Variants in CACNB2 observed in about 807,000 individuals in gnomAD.
The protein encoded by CACNB2 is calcium voltage-gated channel auxiliary subunit beta 2.
A neutral mutation model predicts 73.3 loss-of-function variants in CACNB2; 42 were observed. The observed-to-expected ratio is 0.57, with a 90% confidence interval of 0.45 to 0.74. The LOEUF (loss-of-function observed/expected upper bound fraction) is 0.74. Ranked by LOEUF, CACNB2 falls within the 30% of genes least tolerant of loss-of-function variation. CACNB2 has a pLI of 0.00. For missense variants in CACNB2, 940 were observed against 853.0 expected, an observed-to-expected ratio of 1.10 and a Z score of -1.27; for synonymous variants, 348 against 310.3, an observed-to-expected ratio of 1.12 and a Z score of -1.28.
At chr10:18,318,723 T>C (rs1481956440) in intron 2 of CACNB2, among the ~76,000 whole-genome samples, 1 of 151,978 alleles carries the variant, frequency 6.6e-6, no homozygotes, top group African/African-American at 2.4e-5. Context: ...AGGTCTAATA[T>C]CCAGAATCTA....
chr10:18,486,811 C>T (rs2132894551), intron 3 of CACNB2, among the ~76,000 whole-genome samples: 1 of 152,226 alleles, frequency 6.6e-6, no homozygotes, highest in East Asian at 1.9e-4. Context: ...CCTTTTGGGT[C>T]TGTAGGCCAG....
At chr10:18,387,643 T>C (rs571237030) in intron 2 of CACNB2, among the ~76,000 whole-genome samples, 2 of 152,298 alleles carry the variant, frequency 1.3e-5, no homozygotes, top group African/African-American at 4.8e-5. Flanking sequence ...TGTGTCTTAA[T>C]AGTAGAAGGA....
intron 3 of CACNB2, among the ~76,000 whole-genome samples, chr10:18,482,006 C>T (rs1176668069): frequency 6.6e-6 from 1 of 152,136 alleles, no homozygotes; most frequent in Non-Finnish European, 1.5e-5. Flanking sequence ...TCTCTTGCCT[C>T]AGCCTCCTGA....
rs199847834 is a variant in CACNB2 at position 18,527,609 on chromosome 10, C to T, written c.966C>T (p.Thr322=). 35 of 1,613,510 alleles carry T rather than the reference C, an allele frequency of 2.2e-5. No homozygotes were observed. The highest frequency in any genetic ancestry group is 1.0e-4 in the Admixed American group (6 of 59,972). The change falls in exon 10 of 14, where the codon ACC becomes ACT. Residue 322 remains threonine, a synonymous_variant. Transcript: ENST00000324631. ...FEGRISITRV[T]ADISLAKRSV... ...ACAGGATATCCATCACAAGGGTCAC[C>T]GCTGACATCTCGCTTGCCAAACGCT...
At position 18,435,861 on chromosome 10, in the gene CACNB2, C is replaced by T. The variant is rs576488945; in HGVS notation, c.333+33818C>T. 2.3e-3 allele frequency among the ~76,000 whole-genome samples: 345 copies of T among 151,818 alleles called. 2 individuals carry two copies. The highest frequency in any genetic ancestry group is 7.6e-3 in the African/African-American group (313 of 41,392). On this transcript the variant is annotated intron_variant, in intron 3 of 13. Coordinates refer to ENST00000324631, the MANE Select transcript of CACNB2 (RefSeq NM_201596.3). ...CCTGAAACTTTGTTTTATGTGTGCA[C>T]CTATATGTAAAATCACTCATCAAAA...
At chr10:18,314,675 C>T (rs1452635396) in intron 2 of CACNB2, among the ~76,000 whole-genome samples, 1 of 152,090 alleles carries the variant, frequency 6.6e-6, no homozygotes, top group African/African-American at 2.4e-5. Context: ...GTCTGCCATA[C>T]AGCAAAACAT....
intron 2 of CACNB2, among the ~76,000 whole-genome samples, chr10:18,316,928 C>T (rs2040209284): frequency 6.6e-6 from 1 of 152,116 alleles, no homozygotes; most frequent in Admixed American, 6.6e-5. Context: ...TTATAATTAC[C>T]CTCAAGGAAG....
At chr10:18,477,943 CGTTT>C (rs1554826789) in intron 3 of CACNB2, among the ~76,000 whole-genome samples, 1 of 151,486 alleles carries the variant, frequency 6.6e-6, no homozygotes, top group African/African-American at 2.4e-5. Flanking sequence ...TTTGTTTGTT[CGTTT>C]GTTTGAGACG....
chr10:18,492,448 C>T (rs1385509072), intron 3 of CACNB2, among the ~76,000 whole-genome samples: 1 of 151,950 alleles, frequency 6.6e-6, no homozygotes, highest in Non-Finnish European at 1.5e-5. Context: ...CGGCAAAACC[C>T]CGTCTCTACT....
At chr10:18,347,073 G>A (rs972969633) in intron 2 of CACNB2, among the ~76,000 whole-genome samples, 4 of 152,184 alleles carry the variant, frequency 2.6e-5, no homozygotes, top group Admixed American at 2.0e-4. Context: ...GTTCTGTGCC[G>A]CCTAGTCTTC....
At chr10:18,372,869 G>A (rs1370657939) in intron 2 of CACNB2, among the ~76,000 whole-genome samples, 1 of 152,226 alleles carries the variant, frequency 6.6e-6, no homozygotes, top group Non-Finnish European at 1.5e-5. Flanking sequence ...AACAGCAGGT[G>A]CTGAATAAAT....
intron 2 of CACNB2, among the ~76,000 whole-genome samples, chr10:18,166,312 G>A (rs2032848845): frequency 6.6e-6 from 1 of 152,014 alleles, no homozygotes; most frequent in Admixed American, 6.5e-5. Context: ...CTGAAGTGCA[G>A]TGGCACAATC....
At chr10:18,180,827 A>C (rs1215632549) in intron 2 of CACNB2, among the ~76,000 whole-genome samples, 2 of 151,958 alleles carry the variant, frequency 1.3e-5, no homozygotes, top group African/African-American at 4.8e-5. Flanking sequence ...TTAGCTGTGC[A>C]TGGTGGCACA....
At chr10:18,525,571 T>C (rs947258664) in intron 9 of CACNB2, among the ~76,000 whole-genome samples, 1 of 152,196 alleles carries the variant, frequency 6.6e-6, no homozygotes, top group Non-Finnish European at 1.5e-5. Context: ...CTTATGGGTT[T>C]CTCTTTGTCC....
At chr10:18,156,375 C>G (rs1381729522) in intron 2 of CACNB2, among the ~76,000 whole-genome samples, 1 of 152,174 alleles carries the variant, frequency 6.6e-6, no homozygotes, top group Non-Finnish European at 1.5e-5. Context: ...AGTCTTCTGG[C>G]CCTTGACATT....
intron 2 of CACNB2, among the ~76,000 whole-genome samples, chr10:18,215,160 C>T (rs1409501897): frequency 6.6e-6 from 1 of 151,946 alleles, no homozygotes; most frequent in Non-Finnish European, 1.5e-5. Flanking sequence ...TGACATCTAG[C>T]GTTCCCTCCC....
rs183511747 is a variant in CACNB2 at position 18,319,989 on chromosome 10, G to A, written c.214-81935G>A. 1.3e-3 allele frequency among the ~76,000 whole-genome samples: 198 copies of A among 152,230 alleles called. 2 individuals are homozygous for A. The highest frequency in any genetic ancestry group is 4.4e-3 in the African/African-American group (183 of 41,518). ...GAGTCCAGACAGACCGGGAGGGACA[G>A]ATTCACTGTCTTCCTCCTATAGCTT... is the stretch of plus-strand genomic sequence containing the variant. On this transcript the variant is annotated intron_variant, in intron 2 of 13. Coordinates refer to ENST00000324631, the MANE Select transcript of CACNB2 (RefSeq NM_201596.3).
chr10:18,165,595 A>G (rs1049887520), intron 2 of CACNB2, among the ~76,000 whole-genome samples: 6 of 152,214 alleles, frequency 3.9e-5, no homozygotes, highest in Non-Finnish European at 8.8e-5. Flanking sequence ...GTTTTCTAAT[A>G]GAGACAGTGT....
intron 2 of CACNB2, among the ~76,000 whole-genome samples, chr10:18,220,236 G>C (rs11013058): frequency 2.2e-5 from 1 of 46,134 alleles, no homozygotes; most frequent in Admixed American, 2.1e-4. Flanking sequence ...TATATATAGA[G>C]AGAGAGAGAG....
Sources: allele counts gnomAD v4.1 joint callset (sites outside exome capture counted in the v4.1 genomes callset), GRCh38; gene constraint gnomAD v4.1.1; transcripts MANE v1.5; gene names NCBI Gene and HGNC (gene_info 2026-07-23, HGNC 2026-07-21).